Variants in GRM8 observed in about 807,000 individuals in gnomAD.
GRM8 encodes glutamate metabotropic receptor 8.
A neutral mutation model predicts 87.2 loss-of-function variants in GRM8; 47 were observed. The observed-to-expected ratio is 0.54, with a 90% CI of 0.43 to 0.69. The LOEUF is 0.69. Among genes scored for constraint, GRM8 ranks in the 30% least tolerant of loss-of-function variants. The probability of loss-of-function intolerance (pLI) is 0.00; values close to 1 mark genes in which losing one functional copy is unlikely to be tolerated. For synonymous variants in GRM8, 396 were observed against 404.5 expected (o/e 0.98, Z 0.25); for missense variants, 1,019 against 1,139.2 (o/e 0.89, Z 1.52).
chr7:126,503,451 C>T (rs1288504173), intron 9 of GRM8, among the ~76,000 whole-genome samples: 1 of 151,944 alleles, frequency 6.6e-6, no homozygotes, highest in Non-Finnish European at 1.5e-5. Flanking sequence ...CAAATATTGA[C>T]ATGAGCACAG....
intron 6 of GRM8, among the ~76,000 whole-genome samples, chr7:126,782,390 T>C (rs1437407972): frequency 6.6e-6 from 1 of 152,168 alleles, no homozygotes; most frequent in Non-Finnish European, 1.5e-5. Flanking sequence ...ATGACTCTTG[T>C]TTTATATCAT....
intron 3 of GRM8, among the ~76,000 whole-genome samples, chr7:127,089,236 T>C (rs1328886715): frequency 6.6e-6 from 1 of 152,180 alleles, no homozygotes; most frequent in Non-Finnish European, 1.5e-5. Context: ...ACTGGAGTTA[T>C]GCAGCTACAA....
At chr7:126,696,871 A>T (rs900195820) in intron 7 of GRM8, among the ~76,000 whole-genome samples, 7 of 152,138 alleles carry the variant, frequency 4.6e-5, no homozygotes, top group African/African-American at 1.7e-4. Flanking sequence ...TCTTCTGGTT[A>T]TACACCCAAA....
chr7:127,195,659 TC>T (rs1180695021), intron 2 of GRM8, among the ~76,000 whole-genome samples: 1 of 152,074 alleles, frequency 6.6e-6, no homozygotes, highest in African/African-American at 2.4e-5. Flanking sequence ...CAGGAACACT[TC>T]CTACTCTTCC....
At chr7:126,542,016 G>A (rs1328552513) in intron 8 of GRM8, among the ~76,000 whole-genome samples, 3 of 152,180 alleles carry the variant, frequency 2.0e-5, no homozygotes, top group Non-Finnish European at 4.4e-5. Context: ...TTTACAAGAA[G>A]ACAGAATTAG....
At chr7:127,202,140 A>T (rs552124122) in intron 2 of GRM8, among the ~76,000 whole-genome samples, 106 of 152,072 alleles carry the variant, frequency 7.0e-4, no homozygotes, top group African/African-American at 2.5e-3. Context: ...TCTACCTTAT[A>T]TTATAAATAT....
At chr7:127,223,447 A>G (rs62468889) in intron 2 of GRM8, among the ~76,000 whole-genome samples, 1,965 of 32,748 alleles carry the variant, frequency 0.06, 10 homozygotes, top group African/African-American at 0.11. Context: ...ACACACGCAC[A>G]CACACACACA....
At chr7:126,819,010 C>G (rs1307106185) in intron 6 of GRM8, among the ~76,000 whole-genome samples, 2 of 151,966 alleles carry the variant, frequency 1.3e-5, no homozygotes, top group Non-Finnish European at 2.9e-5. Flanking sequence ...CTGCTAATAC[C>G]CCAGTTCAGG....
intron 9 of GRM8, among the ~76,000 whole-genome samples, chr7:126,461,937 A>C (rs747452730): frequency 3.3e-5 from 5 of 151,606 alleles, no homozygotes; most frequent in Non-Finnish European, 5.9e-5. Flanking sequence ...CACATGCTTC[A>C]GTGATGTGAG....
chr7:126,570,079 C>A (rs1794571834), intron 8 of GRM8, among the ~76,000 whole-genome samples: 1 of 152,208 alleles, frequency 6.6e-6, no homozygotes, highest in Non-Finnish European at 1.5e-5. Context: ...CAGATTACAT[C>A]AAGTTTTCTA....
chr7:127,015,052 G>GA lies in GRM8; in HGVS notation c.727+91443dup, dbSNP rs1410077922. Among the ~76,000 whole-genome samples, 9 of 119,144 alleles carry GA rather than the reference G, an allele frequency of 7.6e-5. 1 individual carries two copies. Among genetic ancestry groups the GA allele is most frequent in the Admixed American group, 3.5e-4 (4 of 11,428 alleles). 78.2% of individuals were successfully genotyped at this position (119,144 alleles called of 152,430 possible). A position where few individuals can be genotyped will look rare whatever the true frequency, so the allele number is the denominator to read the frequency against. ...AGAAGAAGAAGAAGAAGAAGAAGAA[G>GA]AAGAAGAAGAAGAAGAAAGAAAGAA... On this transcript the variant is annotated intron_variant, in intron 3 of 10. Transcript: ENST00000339582.
At position 126,702,937 on chromosome 7, in the gene GRM8, C is replaced by T. The variant is rs79730354; in HGVS notation, c.1357+66928G>A. ...AATTCCAGACCGAGAAAATAGCAAG[C>T]GTACAGGGTCAAGGCTGGGAAAAGA... On this transcript the variant is annotated intron_variant, in intron 7 of 10. Coordinates refer to ENST00000339582, the MANE Select transcript of GRM8 (RefSeq NM_000845.3). 3.0e-3 allele frequency among the ~76,000 whole-genome samples: 460 copies of T among 152,040 alleles called. 6 individuals carry two copies. In the East Asian group the frequency reaches 0.064, roughly 21 times the overall value.
chr7:127,099,779 T>C (rs1825041914), intron 3 of GRM8, among the ~76,000 whole-genome samples: 1 of 152,190 alleles, frequency 6.6e-6, no homozygotes, highest in Admixed American at 6.5e-5. Flanking sequence ...CTTCACCCTC[T>C]GTTAAGAACT....
At position 127,128,445 on chromosome 7, in the gene GRM8, C is replaced by T. The variant is rs184118154; in HGVS notation, c.511-21733G>A. 2.0e-4 allele frequency among the ~76,000 whole-genome samples: 31 copies of T among 152,202 alleles called. No homozygotes were observed. The East Asian group carries it at 5.4e-3, about 27-fold the overall frequency. ...ATTTATACCACTGTTTCCATACAGC[C>T]TGGCAGCTATCCACTAGGAAACCTG... On this transcript the variant is annotated intron_variant, in intron 2 of 10. Transcript: ENST00000339582.
chr7:127,167,955 G>T (rs1438373646), intron 2 of GRM8, among the ~76,000 whole-genome samples: 2 of 152,148 alleles, frequency 1.3e-5, no homozygotes, highest in East Asian at 1.9e-4. Flanking sequence ...CATGGGCAAA[G>T]ACTTCATGAC....
At chr7:126,727,450 C>T (rs1467834772) in intron 7 of GRM8, among the ~76,000 whole-genome samples, 1 of 151,972 alleles carries the variant, frequency 6.6e-6, no homozygotes, top group Admixed American at 6.6e-5. Context: ...TGAATTGGTA[C>T]AATGAAGATC....
chr7:126,531,381 A>G (rs1480523085), intron 9 of GRM8, among the ~76,000 whole-genome samples: 1 of 152,170 alleles, frequency 6.6e-6, no homozygotes, highest in African/African-American at 2.4e-5. Context: ...ATTTAGTTTG[A>G]TTTCAGAAAG....
chr7:127,213,104 G>A (rs1373292622), intron 2 of GRM8, among the ~76,000 whole-genome samples: 1 of 152,194 alleles, frequency 6.6e-6, no homozygotes, highest in Non-Finnish European at 1.5e-5. Context: ...GCCCAGTGCT[G>A]TCTCTACGGT....
At chr7:126,861,795 A>C (rs1207782801) in intron 6 of GRM8, among the ~76,000 whole-genome samples, 5 of 152,012 alleles carry the variant, frequency 3.3e-5, no homozygotes, top group African/African-American at 1.2e-4. Flanking sequence ...CCTGGAACCT[A>C]ATCTTTTTAT....
Sources: allele counts gnomAD v4.1 joint callset (sites outside exome capture counted in the v4.1 genomes callset), GRCh38; gene constraint gnomAD v4.1.1; transcripts MANE v1.5; gene names NCBI Gene and HGNC (gene_info 2026-07-23, HGNC 2026-07-21).